The following GXYLT1 variants were observed in gnomAD, a reference collection of about 807,000 sequenced individuals.
GXYLT1 encodes glucoside xylosyltransferase 1.
A neutral mutation model predicts 54.0 loss-of-function variants in GXYLT1; 29 were observed. The ratio of observed to expected loss-of-function variants is 0.54; its 90% CI spans 0.40 to 0.73. The LOEUF (loss-of-function observed/expected upper bound fraction) is 0.73, where lower values mean the gene tolerates loss of function less well. Among genes scored for constraint, GXYLT1 ranks in the 30% least tolerant of loss-of-function variants. The probability of loss-of-function intolerance (pLI) is 0.00; values close to 1 mark genes in which losing one functional copy is unlikely to be tolerated. For missense variants in GXYLT1, 490 were observed against 553.4 expected (o/e 0.89, Z 1.15); for synonymous variants, 176 against 204.1 (o/e 0.86, Z 1.17).
Position 42,082,799 on chromosome 12 carries a change from T to A in GXYLT1, c.*4987A>T, listed in dbSNP as rs1249133931. On this transcript the variant is annotated 3_prime_UTR_variant, in exon 8 of 8. Transcript: ENST00000398675. Reference sequence around the variant, plus strand: ...CCAGCCAATTTACTTTTTAATAGAATATACACTGTTGAATTCTATCTTCAT... The same window carrying A: ...CCAGCCAATTTACTTTTTAATAGAAAATACACTGTTGAATTCTATCTTCAT... 1 of 152,174 alleles carries A rather than the reference T, an allele frequency of 6.6e-6. No individual in the cohort carries two copies. Among genetic ancestry groups the A allele is most frequent in the African/African-American group, 2.4e-5 (1 of 41,440 alleles). 9.4% of individuals were successfully genotyped at this position (152,174 alleles called of 1,614,324 possible).
intron 3 of GXYLT1, among the ~76,000 whole-genome samples, chr12:42,117,390 AT>A (rs1256344016): frequency 6.6e-6 from 1 of 152,142 alleles, no homozygotes; most frequent in Non-Finnish European, 1.5e-5. Context: ...ATACTTTCAT[AT>A]ACCACTTATA....
At chr12:42,128,616 T>C (rs1478107484) in intron 2 of GXYLT1, among the ~76,000 whole-genome samples, 1 of 152,206 alleles carries the variant, frequency 6.6e-6, no homozygotes, top group South Asian at 2.1e-4. Flanking sequence ...TCCAAAAGGA[T>C]GGAGCCACAA....
intron 5 of GXYLT1, among the ~76,000 whole-genome samples, chr12:42,099,225 G>A (rs1166048464): frequency 6.6e-6 from 1 of 152,102 alleles, no homozygotes; most frequent in Non-Finnish European, 1.5e-5. Context: ...CCTATTCTTG[G>A]ATATCAACTA....
intron 4 of GXYLT1, among the ~76,000 whole-genome samples, chr12:42,108,220 G>C (rs767568232): frequency 6.6e-6 from 1 of 152,158 alleles, no homozygotes; most frequent in Non-Finnish European, 1.5e-5. Flanking sequence ...AATTAAACTT[G>C]TTAATAAAGT....
At chr12:42,138,211 G>A (rs2065631783) in intron 1 of GXYLT1, among the ~76,000 whole-genome samples, 1 of 152,238 alleles carries the variant, frequency 6.6e-6, no homozygotes, top group South Asian at 2.1e-4. Context: ...AGGCTGTAGT[G>A]AGCCGAGAGA....
intron 2 of GXYLT1, among the ~76,000 whole-genome samples, chr12:42,120,861 A>G (rs2136907354): frequency 6.6e-6 from 1 of 151,090 alleles, no homozygotes; most frequent in African/African-American, 2.4e-5. Flanking sequence ...AAAGCTCTCT[A>G]TTATTTTCTG....
At chr12:42,097,386 T>C (rs2065361296) in intron 7 of GXYLT1, 56 bp downstream of exon 7, 1 of 1,365,532 alleles carries the variant, frequency 7.3e-7, no homozygotes. Context: ...AAACTAACCA[T>C]TAGCTTGAAA....
At chr12:42,108,410 T>C (rs575601274) in intron 4 of GXYLT1, among the ~76,000 whole-genome samples, 1 of 152,346 alleles carries the variant, frequency 6.6e-6, no homozygotes, top group Admixed American at 6.5e-5. Flanking sequence ...GAAACCTGTG[T>C]GTTCTATTCA....
chr12:42,106,413 T>C (rs1240464727), intron 4 of GXYLT1, among the ~76,000 whole-genome samples: 1 of 152,206 alleles, frequency 6.6e-6, no homozygotes, highest in Non-Finnish European at 1.5e-5. Flanking sequence ...TGAATCCTAA[T>C]TTCCTGAGAT....
intron 3 of GXYLT1, among the ~76,000 whole-genome samples, chr12:42,110,935 C>T (rs955318038): frequency 5.9e-5 from 9 of 152,142 alleles, no homozygotes; most frequent in East Asian, 1.9e-4. Context: ...TACAGTCAAA[C>T]GAAAACTAAG....
chr12:42,117,198 T>C (rs2065501196), intron 3 of GXYLT1, among the ~76,000 whole-genome samples: 1 of 151,634 alleles, frequency 6.6e-6, no homozygotes, highest in African/African-American at 2.4e-5. Flanking sequence ...TTAATGGGTG[T>C]AGCATACCAG....
chr12:42,099,037 CCA>C (rs1397033527), intron 5 of GXYLT1, among the ~76,000 whole-genome samples: 1 of 151,830 alleles, frequency 6.6e-6, no homozygotes, highest in African/African-American at 2.4e-5. Flanking sequence ...TCTCACCATC[CCA>C]GAGAGAGGCA....
intron 4 of GXYLT1, among the ~76,000 whole-genome samples, chr12:42,106,754 T>A (rs1231743998): frequency 6.8e-6 from 1 of 146,736 alleles, no homozygotes; most frequent in Non-Finnish European, 1.5e-5. Flanking sequence ...TTTTTTTTTT[T>A]TTTTTTTTTG....
At chr12:42,094,252 G>A (rs1056403051) in intron 7 of GXYLT1, among the ~76,000 whole-genome samples, 2 of 151,828 alleles carry the variant, frequency 1.3e-5, no homozygotes, top group African/African-American at 2.4e-5. Context: ...TATTTGGGAG[G>A]CTGTGGGAGG....
chr12:42,090,194 GA>G (rs1450102291), intron 7 of GXYLT1, among the ~76,000 whole-genome samples: 1 of 151,736 alleles, frequency 6.6e-6, no homozygotes, highest in African/African-American at 2.4e-5. Context: ...CCCATCATAT[GA>G]AAAAAGCAAT....
chr12:42,123,751 G>A (rs1332459836), intron 2 of GXYLT1, among the ~76,000 whole-genome samples: 1 of 151,810 alleles, frequency 6.6e-6, no homozygotes, highest in African/African-American at 2.4e-5. Context: ...AGTATATAAA[G>A]TCAAATTAAA....
chr12:42,098,530 T>C (rs1018108375), intron 5 of GXYLT1, among the ~76,000 whole-genome samples: 4 of 151,640 alleles, frequency 2.6e-5, no homozygotes, highest in Non-Finnish European at 5.9e-5. Flanking sequence ...AATTAAAAAA[T>C]GCATACACAA....
intron 1 of GXYLT1, among the ~76,000 whole-genome samples, chr12:42,137,593 T>A (rs1229459514): frequency 2.0e-5 from 3 of 146,584 alleles, no homozygotes; most frequent in Non-Finnish European, 4.5e-5. Context: ...CTGTCTCTAC[T>A]AAAAATACAA....
chr12:42,104,573 T>G (rs1215807801), intron 5 of GXYLT1, among the ~76,000 whole-genome samples: 3 of 145,340 alleles, frequency 2.1e-5, no homozygotes, highest in Non-Finnish European at 4.5e-5. Context: ...AAAAAAAAAC[T>G]AAGTTTAAGA....
Sources: allele counts gnomAD v4.1 joint callset (sites outside exome capture counted in the v4.1 genomes callset), GRCh38; gene constraint gnomAD v4.1.1; transcripts MANE v1.5; gene names NCBI Gene and HGNC (gene_info 2026-07-23, HGNC 2026-07-21).